The following LOXL2 variants were observed in gnomAD, a reference collection of about 807,000 sequenced individuals.
LOXL2 encodes lysyl oxidase like 2.
A neutral mutation model predicts 93.0 loss-of-function variants in LOXL2; 70 were observed. The observed-to-expected ratio is 0.75, with a 90% CI of 0.62 to 0.92. The LOEUF (loss-of-function observed/expected upper bound fraction) is 0.92. Ranked by LOEUF, LOXL2 falls within the 40% of genes least tolerant of loss-of-function variation. The pLI, the probability that LOXL2 is intolerant of heterozygous loss-of-function variation, is 0.00. For synonymous variants in LOXL2, 438 were observed against 413.2 expected (o/e 1.06, Z -0.73); for missense variants, 973 against 1,054.9 (o/e 0.92, Z 1.08).
At chr8:23,346,334 T>C (rs1243851430) in intron 3 of LOXL2, among the ~76,000 whole-genome samples, 1 of 152,064 alleles carries the variant, frequency 6.6e-6, no homozygotes, top group Non-Finnish European at 1.5e-5. Flanking sequence ...CACCCAGGAC[T>C]CCAGAAAGCT....
At chr8:23,377,549 T>C (rs140791111) in intron 1 of LOXL2, among the ~76,000 whole-genome samples, 18,158 of 148,740 alleles carry the variant, frequency 0.12, 1,461 homozygotes, top group Admixed American at 0.18. Flanking sequence ...TGTTAAAGTC[T>C]CCCATTATTA....
intron 1 of LOXL2, among the ~76,000 whole-genome samples, chr8:23,371,751 C>CAAAAAAAA (rs55780832): frequency 2.3e-5 from 1 of 43,898 alleles, no homozygotes; most frequent in African/African-American, 1.1e-4. Context: ...GAGTCTGTCT[C>CAAAAAAAA]AAAAAAAAAA....
intron 3 of LOXL2, among the ~76,000 whole-genome samples, chr8:23,342,713 G>A (rs753791307): frequency 6.6e-6 from 1 of 151,982 alleles, no homozygotes; most frequent in Non-Finnish European, 1.5e-5. Context: ...TTACAGGCAT[G>A]AGCCACCGTG....
At chr8:23,343,917 T>C (rs1280537623) in intron 3 of LOXL2, among the ~76,000 whole-genome samples, 1 of 152,236 alleles carries the variant, frequency 6.6e-6, no homozygotes, top group Non-Finnish European at 1.5e-5. Context: ...GTAACTGTCA[T>C]GCCCAGAAGG....
chr8:23,298,832 T>A lies in LOXL2; in HGVS notation c.2245+4A>T, dbSNP rs1406864872. 1 of 1,600,366 alleles carries A rather than the reference T, an allele frequency of 6.2e-7. No homozygotes were observed. The highest frequency in any genetic ancestry group is 2.2e-5 in the East Asian group (1 of 44,772). The stretch of plus-strand genomic sequence containing the variant: ...TTCCTGGAGTGGGGGCGGCCTGGCC[T>A]TACCTATGTGGCAGTTGTACATCCA... On this transcript the variant is annotated splice_donor_region_variant and intron_variant, in intron 13 of 13. Coordinates refer to ENST00000389131, the MANE Select transcript of LOXL2 (RefSeq NM_002318.3).
Sources: allele counts gnomAD v4.1 joint callset (sites outside exome capture counted in the v4.1 genomes callset), GRCh38; gene constraint gnomAD v4.1.1; transcripts MANE v1.5; gene names NCBI Gene and HGNC (gene_info 2026-07-23, HGNC 2026-07-21).